SPECC1: variants seen among roughly 807,000 people sequenced by gnomAD.
SPECC1 encodes cytospin-B.
SPECC1 carries 62 observed loss-of-function variants against 104.1 expected under a neutral mutation model. The observed-to-expected ratio is 0.60, with a 90% CI of 0.49 to 0.74. SPECC1 has a LOEUF of 0.74. Among genes scored for constraint, SPECC1 ranks in the 30% least tolerant of loss-of-function variants. The probability of loss-of-function intolerance (pLI) is 0.00; values close to 1 mark genes in which losing one functional copy is unlikely to be tolerated. For synonymous variants in SPECC1, 513 were observed against 501.6 expected (o/e 1.02, Z -0.30); for missense variants, 1,306 against 1,310.5 (o/e 1.00, Z 0.05).
chr17:20,176,748 G>A lies in SPECC1; in HGVS notation c.284-27585G>A, dbSNP rs186425597. On this transcript the variant is annotated intron_variant, in intron 3 of 14. Coordinates refer to ENST00000395527, the MANE Select transcript of SPECC1 (RefSeq NM_001243439.2). ...GGCTGTCATCACATCTCCTTTTTCC[G>A]TCCCTGATTGTCTTGCATCCCTGTT... 5.9e-5 allele frequency among the ~76,000 whole-genome samples: 9 copies of A among 151,962 alleles called. No individual in the cohort carries two copies. In the East Asian group the frequency reaches 7.8e-4, roughly 13 times the overall value.
In SPECC1 at chr17:20,138,247, C is replaced by A. The variant is rs150640145; in HGVS notation, c.283+27685C>A. On this transcript the variant is annotated intron_variant, in intron 3 of 14. Transcript: ENST00000395527. ...AAAGTGCTGGGATTACAGGCATGAG[C>A]CACCAGGCCTAGCTTGAGTCTTAAT... 7.7e-4 allele frequency among the ~76,000 whole-genome samples: 118 copies of A among 152,288 alleles called. 2 individuals are homozygous for A. In the Middle Eastern group the frequency reaches 0.017, roughly 22 times the overall value.
chr17:20,108,513 C>G (rs1275805343), intron 2 of SPECC1, among the ~76,000 whole-genome samples: 1 of 152,174 alleles, frequency 6.6e-6, no homozygotes, highest in Non-Finnish European at 1.5e-5. Context: ...GAGGTAACCA[C>G]TATTCTGACT....
chr17:20,210,600 AT>A (rs1361597125), intron 4 of SPECC1, among the ~76,000 whole-genome samples: 1 of 152,204 alleles, frequency 6.6e-6, no homozygotes, highest in African/African-American at 2.4e-5. Context: ...TTGCAGCCTG[AT>A]TCTTGAACAA....
chr17:20,313,449 G>C (rs889046069), intron 14 of SPECC1, among the ~76,000 whole-genome samples: 1 of 152,226 alleles, frequency 6.6e-6, no homozygotes, highest in African/African-American at 2.4e-5. Context: ...CGAGGTGAGC[G>C]TACACTGGAT....
intron 3 of SPECC1, among the ~76,000 whole-genome samples, chr17:20,175,573 G>A (rs1016065931): frequency 6.6e-6 from 1 of 152,154 alleles, no homozygotes; most frequent in African/African-American, 2.4e-5. Context: ...AGTATTGCTA[G>A]TGATCATTAT....
At chr17:20,124,451 G>A (rs1048649249) in intron 3 of SPECC1, among the ~76,000 whole-genome samples, 1 of 152,130 alleles carries the variant, frequency 6.6e-6, no homozygotes, top group Non-Finnish European at 1.5e-5. Context: ...GAAGTGTTGG[G>A]GACTCAAGGG....
At chr17:20,044,067 A>T (rs568317667) in intron 1 of SPECC1, among the ~76,000 whole-genome samples, 1 of 152,244 alleles carries the variant, frequency 6.6e-6, no homozygotes, top group South Asian at 2.1e-4. Context: ...CAGACTCCTA[A>T]GCTGTGCATC....
intron 14 of SPECC1, among the ~76,000 whole-genome samples, chr17:20,309,654 G>A (rs2041871763): frequency 6.6e-6 from 1 of 151,968 alleles, no homozygotes; most frequent in Non-Finnish European, 1.5e-5. Context: ...GTCTTATTTG[G>A]TTTTCTGTTT....
At chr17:20,209,927 A>G (rs549313097) in intron 4 of SPECC1, among the ~76,000 whole-genome samples, 1 of 152,366 alleles carries the variant, frequency 6.6e-6, no homozygotes, top group South Asian at 2.1e-4. Context: ...TGAAGCTTAT[A>G]GGTGGTATCC....
intron 3 of SPECC1, chr17:20,156,324 C>T (rs971698458): frequency 8.6e-6 from 11 of 1,278,506 alleles, no homozygotes; most frequent in Non-Finnish European, 9.0e-6. Flanking sequence ...GCTCGCGGCG[C>T]CGACTGGGGC....
In SPECC1 at chr17:20,115,889, G is replaced by T. The variant is rs2048730081; in HGVS notation, c.283+5327G>T. On this transcript the variant is annotated intron_variant, in intron 3 of 14. Transcript: ENST00000395527. ...CGGTAGATACTAACCAAGGCAGTAAGATAAGAGAGATGTAGAAGTACATAA... is the reference window on the plus strand; with the variant it reads ...CGGTAGATACTAACCAAGGCAGTAATATAAGAGAGATGTAGAAGTACATAA... Among the ~76,000 whole-genome samples, 3 of 152,194 alleles carry T rather than the reference G, an allele frequency of 2.0e-5. No homozygotes were observed. The South Asian group carries it at 6.2e-4, about 32-fold the overall frequency.
intron 9 of SPECC1, among the ~76,000 whole-genome samples, chr17:20,252,064 A>G (rs2039652602): frequency 2.0e-5 from 3 of 152,146 alleles, no homozygotes; most frequent in Non-Finnish European, 4.4e-5. Flanking sequence ...ATATAATGCT[A>G]TGATAACAGT....
chr17:20,235,209 A>G (rs144806754), intron 7 of SPECC1, among the ~76,000 whole-genome samples: 6 of 152,266 alleles, frequency 3.9e-5, no homozygotes, highest in African/African-American at 1.2e-4. Flanking sequence ...TTCTGGTGCA[A>G]TGCCTTGAAC....
At chr17:20,010,854 C>T (rs2043918774) in intron 1 of SPECC1, among the ~76,000 whole-genome samples, 1 of 152,140 alleles carries the variant, frequency 6.6e-6, no homozygotes, top group Non-Finnish European at 1.5e-5. Flanking sequence ...CTGTTTATGC[C>T]TAATTACTAA....
chr17:20,069,264 G>T (rs957615334), intron 1 of SPECC1, among the ~76,000 whole-genome samples: 1 of 152,190 alleles, frequency 6.6e-6, no homozygotes, highest in Admixed American at 6.5e-5. Flanking sequence ...CTCCATCCAT[G>T]TCCCTATAAA....
At chr17:20,152,631 G>T (rs1056610937) in intron 3 of SPECC1, among the ~76,000 whole-genome samples, 9 of 152,184 alleles carry the variant, frequency 5.9e-5, no homozygotes, top group African/African-American at 2.2e-4. Context: ...AAGAGAGAGA[G>T]AGAAAGATCT....
intron 3 of SPECC1, among the ~76,000 whole-genome samples, chr17:20,187,609 C>A (rs1048458455): frequency 7.9e-5 from 12 of 152,128 alleles, no homozygotes; most frequent in Non-Finnish European, 1.0e-4. Context: ...TTGAGCCAGA[C>A]CTGAAGTTGG....
chr17:20,220,558 GTTTT>G (rs34347184), intron 4 of SPECC1, among the ~76,000 whole-genome samples: 53,399 of 128,054 alleles, frequency 0.42, 10,144 homozygotes, highest in East Asian at 0.83. Flanking sequence ...GTTCTTAATA[GTTTT>G]TTTTTTTTTT....
chr17:20,244,096 T>G (rs912305840), intron 7 of SPECC1, among the ~76,000 whole-genome samples: 1 of 151,930 alleles, frequency 6.6e-6, no homozygotes, highest in African/African-American at 2.4e-5. Context: ...GTGCTGGTGC[T>G]TGCCTGTAGT....
Sources: gnomAD v4.1 joint callset for allele counts (sites outside exome capture counted in the v4.1 genomes callset) on GRCh38, gnomAD v4.1.1 for gene constraint, MANE v1.5 for transcripts, NCBI Gene and HGNC (gene_info 2026-07-23, HGNC 2026-07-21) for gene names.